IMPA1: variants seen among roughly 807,000 people sequenced by gnomAD.
The protein encoded by IMPA1 is D-galactose 1-phosphate phosphatase.
In IMPA1, 21 loss-of-function variants were observed where a neutral mutation model predicts 34.9. The ratio of observed to expected loss-of-function variants is 0.60; its 90% confidence interval spans 0.43 to 0.87. The LOEUF is 0.87. Ranked by LOEUF, IMPA1 falls within the 40% of genes least tolerant of loss-of-function variation. IMPA1 has a pLI of 0.00. For synonymous variants in IMPA1, 95 were observed against 104.4 expected, an observed-to-expected ratio of 0.91 and a Z score of 0.55; for missense variants, 299 against 336.4, an observed-to-expected ratio of 0.89 and a Z score of 0.87.
rs187297730 is a variant in IMPA1, at chr8:81,684,737, T to C, written c.-25+1515A>G. ...ATATTTAGATACTATGTGGAGTATA[T>C]ATACTACACATAAGTATATTTAGAT... On this transcript the variant is annotated intron_variant, in intron 1 of 8. Coordinates refer to ENST00000256108, the MANE Select transcript of IMPA1 (RefSeq NM_005536.4). Among the ~76,000 whole-genome samples, 4 of 105,810 alleles carry C rather than the reference T, an allele frequency of 3.8e-5. No individual in the cohort carries two copies. The East Asian group carries it at 2.3e-3, about 60-fold the overall frequency. The allele number at this position is 105,810 out of a possible 152,430, so 69.4% of individuals were successfully genotyped here. A position where few individuals can be genotyped will look rare whatever the true frequency, so the allele number is the denominator to read the frequency against.
intron 4 of IMPA1, 39 bp from the exon 5 acceptor site, chr8:81,676,318 C>A: frequency 1.0e-6 from 1 of 997,392 alleles, no homozygotes; most frequent in Non-Finnish European, 1.5e-6. Context: ...AATTAACCAA[C>A]ATAGAACTTT....
At chr8:81,684,359 A>T (rs1375478206) in intron 1 of IMPA1, among the ~76,000 whole-genome samples, 1 of 144,088 alleles carries the variant, frequency 6.9e-6, no homozygotes, top group Non-Finnish European at 1.5e-5. Context: ...TATACCATAC[A>T]TAAGTATATT....
At chr8:81,680,399 C>CAT (rs1807263396) in intron 3 of IMPA1, among the ~76,000 whole-genome samples, 2 of 152,192 alleles carry the variant, frequency 1.3e-5, no homozygotes, top group African/African-American at 4.8e-5. Flanking sequence ...GAAGAGGCTA[C>CAT]ATGGTAAGGA....
intron 1 of IMPA1, among the ~76,000 whole-genome samples, chr8:81,683,950 G>A (rs1807379152): frequency 6.6e-6 from 1 of 152,088 alleles, no homozygotes; most frequent in Non-Finnish European, 1.5e-5. Context: ...TATGGGGCAA[G>A]ACCCCTTGTG....
intron 7 of IMPA1, among the ~76,000 whole-genome samples, chr8:81,661,992 A>G (rs1435195583): frequency 6.6e-6 from 1 of 152,210 alleles, no homozygotes; most frequent in Non-Finnish European, 1.5e-5. Context: ...CATTTGTTTT[A>G]TATCTCAAAA....
At chr8:81,682,300 GA>G (rs1473139058) in intron 1 of IMPA1, among the ~76,000 whole-genome samples, 1 of 152,148 alleles carries the variant, frequency 6.6e-6, no homozygotes, top group Non-Finnish European at 1.5e-5. Context: ...ATCACACTCT[GA>G]AGTCTGTACC....
Position 81,676,215 on chromosome 8 carries a change from T to C in IMPA1, c.348+19A>G, listed in dbSNP as rs1190810167. 8.4e-7 allele frequency: 1 copy of C among 1,188,678 alleles called. No homozygotes were observed. The highest frequency in any genetic ancestry group is 1.2e-6 in the Non-Finnish European group (1 of 843,652). The allele number at this position is 1,188,678 out of a possible 1,614,324, so 73.6% of individuals were successfully genotyped here. ...TGAGAGCAAGGCATATAATCAACTATACGTTTAAAAAATCATACCTTTTTA... is the reference window on the plus strand; with the variant it reads ...TGAGAGCAAGGCATATAATCAACTACACGTTTAAAAAATCATACCTTTTTA... On this transcript the variant is annotated intron_variant, in intron 5 of 8. Transcript: ENST00000256108.
At position 81,680,783 on chromosome 8, in the gene IMPA1, C is replaced by T. The variant is rs775886115; in HGVS notation, c.64G>A (p.Val22Ile). ...AVTLARQAGE[V>I]VCEAIKNEMN... ...TCATTTTTTATAGCTTCACAAACTA[C>T]CTAAAAAGAGGTTTTGGTAAGCAAA... Residue 22 changes from valine to isoleucine, a missense_variant and splice_region_variant, in exon 3 of 9, where the codon GTA (valine) becomes ATA (isoleucine). Val to Ile is a conservative substitution (Grantham distance 29). Transcript: ENST00000256108. The T allele has an allele frequency of 1.9e-6, 3 of 1,592,866 alleles. No homozygotes were observed. The highest frequency in any genetic ancestry group is 2.7e-5 in the African/African-American group (2 of 73,846).
rs1339245271 is a variant in IMPA1, at chr8:81,657,497, C to A, written c.*1854G>T. Reference sequence around the variant, plus strand: ...TAGGGAGGCTGAGGTGGGAGGACTGCTTGAGCCCAGAAGGTTGAGACTGCA... The same window carrying A: ...TAGGGAGGCTGAGGTGGGAGGACTGATTGAGCCCAGAAGGTTGAGACTGCA... On this transcript the variant is annotated 3_prime_UTR_variant, in exon 9 of 9. Coordinates refer to ENST00000256108, the MANE Select transcript of IMPA1 (RefSeq NM_005536.4). 2.0e-5 allele frequency among the ~76,000 whole-genome samples: 3 copies of A among 152,138 alleles called. No homozygotes were observed. Among genetic ancestry groups the A allele is most frequent in the Non-Finnish European group, 2.9e-5 (2 of 68,018 alleles).
intron 1 of IMPA1, among the ~76,000 whole-genome samples, chr8:81,684,034 A>C (rs1807383038): frequency 6.6e-6 from 1 of 151,630 alleles, no homozygotes; most frequent in Non-Finnish European, 1.5e-5. Flanking sequence ...CTAAGACAGA[A>C]AGGTGGGCCA....
rs765454655 is a variant in IMPA1, at chr8:81,676,269, C to G, written c.313G>C (p.Val105Leu). 6.7e-6 allele frequency: 9 copies of G among 1,335,692 alleles called. No individual in the cohort carries two copies. In the South Asian group the frequency reaches 1.3e-4, roughly 20 times the overall value. 82.7% of individuals were successfully genotyped at this position (1,335,692 alleles called of 1,614,324 possible). A position where few individuals can be genotyped will look rare whatever the true frequency, so the allele number is the denominator to read the frequency against. The part of the protein sequence containing the change: ...TTNFVHRFPF[V>L]AVSIGFAVNK... ...ACAGCAAAGCCAATTGAAACAGCTA[C>G]AAAAGGAAATCTTTTTTTAAAAAAA... The change falls in exon 5 of 9, where the codon GTA becomes CTA. Residue 105 changes from valine (V) to leucine (L), a missense_variant. Coordinates refer to ENST00000256108, the MANE Select transcript of IMPA1 (RefSeq NM_005536.4).
At position 81,657,945 on chromosome 8, in the gene IMPA1, T is replaced by C. The variant is rs147683557; in HGVS notation, c.*1406A>G. On this transcript the variant is annotated 3_prime_UTR_variant, in exon 9 of 9. Transcript: ENST00000256108. The stretch of plus-strand genomic sequence containing the variant: ...ATAATAATGATAATGGTAATAATAA[T>C]AAAAATATCAATTTAAAGTTTTATT... 6.6e-6 allele frequency: 1 copy of C among 152,012 alleles called. No individual in the cohort carries two copies. 9.4% of individuals were successfully genotyped at this position (152,012 alleles called of 1,614,324 possible).
intron 6 of IMPA1, among the ~76,000 whole-genome samples, chr8:81,671,856 C>T (rs1160546669): frequency 6.6e-6 from 1 of 152,014 alleles, no homozygotes; most frequent in African/African-American, 2.4e-5. Flanking sequence ...GAGATCACGC[C>T]ACTGCACTCC....
At chr8:81,670,335 G>A (rs1016716922) in intron 7 of IMPA1, among the ~76,000 whole-genome samples, 1 of 151,126 alleles carries the variant, frequency 6.6e-6, no homozygotes, top group African/African-American at 2.4e-5. Flanking sequence ...TAAACATAAA[G>A]GAATTATAAT....
chr8:81,661,535 T>G (rs1163445207), intron 7 of IMPA1, among the ~76,000 whole-genome samples: 2 of 152,158 alleles, frequency 1.3e-5, no homozygotes, highest in Non-Finnish European at 2.9e-5. Flanking sequence ...AAATTCAAAT[T>G]CAAGAGACAG....
intron 2 of IMPA1, among the ~76,000 whole-genome samples, chr8:81,681,205 G>C (rs1807289612): frequency 6.6e-6 from 1 of 152,148 alleles, no homozygotes; most frequent in Non-Finnish European, 1.5e-5. Context: ...AACACAGCGA[G>C]ACCCTCATCT....
Position 81,659,393 on chromosome 8 carries a change from T to G in IMPA1, c.792A>C (p.Lys264Asn), listed in dbSNP as rs1806600162. 6.2e-7 allele frequency: 1 copy of G among 1,611,670 alleles called. No individual in the cohort carries two copies. Among genetic ancestry groups the G allele is most frequent in the African/African-American group, 1.3e-5 (1 of 74,876 alleles). Residue 264 changes from lysine to asparagine, a missense_variant, in exon 9 of 9, where the codon AAA becomes AAC. Transcript: ENST00000256108. ...NNRILAERIAKEIQVIPLQRD... is the reference protein window; with the variant it reads ...NNRILAERIANEIQVIPLQRD... Reference sequence around the variant, plus strand: ...GTTGCAAAGGTATAACCTGAATTTCTTTAGCTATCCTTTCTGCTAATATTC... The same window carrying G: ...GTTGCAAAGGTATAACCTGAATTTCGTTAGCTATCCTTTCTGCTAATATTC...
At chr8:81,674,609 T>C (rs1206014263) in intron 5 of IMPA1, 2 of 333,994 alleles carry the variant, frequency 6.0e-6, no homozygotes, top group East Asian at 8.5e-5. Context: ...ATTATTCTCT[T>C]AGTTCTACCT....
In IMPA1 at chr8:81,686,306, C is replaced by T. The variant is rs1320010485; in HGVS notation, c.-79G>A. The T allele has an allele frequency of 1.0e-6, 1 of 988,556 alleles. No homozygotes were observed. Among genetic ancestry groups the T allele is most frequent in the Non-Finnish European group, 1.2e-6 (1 of 831,878 alleles). The allele number at this position is 988,556 out of a possible 1,614,324, so 61.2% of individuals were successfully genotyped here. ...GTGAACGGTGTTACCGCACTCGTCT[C>T]TTCCGGAGGTAGAGGGGCTACTCGC... On this transcript the variant is annotated 5_prime_UTR_variant, in exon 1 of 9. Transcript: ENST00000256108.
Sources: allele counts gnomAD v4.1 joint callset (sites outside exome capture counted in the v4.1 genomes callset), GRCh38; gene constraint gnomAD v4.1.1; transcripts MANE v1.5; gene names NCBI Gene and HGNC (gene_info 2026-07-23, HGNC 2026-07-21).